LPAR1: variants seen among roughly 807,000 people sequenced by gnomAD.
LPAR1 encodes LPA receptor 1.
A neutral mutation model predicts 23.8 loss-of-function variants in LPAR1; 5 were observed. That is an observed-to-expected ratio of 0.21 (90% confidence interval 0.11 to 0.44). The LOEUF is 0.44. Ranked by LOEUF, LPAR1 falls within the 20% of genes least tolerant of loss-of-function variation. The pLI, the probability that LPAR1 is intolerant of heterozygous loss-of-function variation, is 0.99. For synonymous variants in LPAR1, 160 were observed against 164.7 expected, an observed-to-expected ratio of 0.97 and a Z score of 0.22; for missense variants, 311 against 482.8, an observed-to-expected ratio of 0.64 and a Z score of 3.33.
intron 5 of LPAR1, among the ~76,000 whole-genome samples, chr9:110,904,060 T>C (rs73655666): frequency 6.6e-6 from 1 of 152,032 alleles, no homozygotes; most frequent in African/African-American, 2.4e-5. Flanking sequence ...AAATTCTATA[T>C]CCAGGAAAAC....
chr9:110,950,311 G>A (rs947233535), intron 4 of LPAR1, among the ~76,000 whole-genome samples: 12 of 151,848 alleles, frequency 7.9e-5, no homozygotes, highest in Middle Eastern at 6.8e-3. Flanking sequence ...ATAAAAATAC[G>A]AAATTTAGCT....
At chr9:110,922,974 C>T (rs369524355) in intron 5 of LPAR1, among the ~76,000 whole-genome samples, 55 of 151,728 alleles carry the variant, frequency 3.6e-4, no homozygotes, top group African/African-American at 1.1e-3. Context: ...TTTCTCCTAA[C>T]GCTATCCCTC....
chr9:110,936,689 G>A (rs181875202), intron 5 of LPAR1, among the ~76,000 whole-genome samples: 1 of 152,210 alleles, frequency 6.6e-6, no homozygotes, highest in African/African-American at 2.4e-5. Context: ...TAGAAAAACA[G>A]TGTCTCCCTC....
intron 5 of LPAR1, among the ~76,000 whole-genome samples, chr9:110,897,167 T>C (rs2086691724): frequency 6.6e-6 from 1 of 152,140 alleles, no homozygotes. Context: ...CTAAATCTCA[T>C]CTTGCAGCTC....
chr9:111,033,993 G>T (rs1588966660), intron 2 of LPAR1, among the ~76,000 whole-genome samples: 1 of 152,242 alleles, frequency 6.6e-6, no homozygotes, highest in Non-Finnish European at 1.5e-5. Flanking sequence ...GTACTGGGGA[G>T]CAAGTGTGAA....
chr9:110,980,952 G>A (rs906752515), intron 2 of LPAR1, among the ~76,000 whole-genome samples: 2 of 151,888 alleles, frequency 1.3e-5, no homozygotes, highest in African/African-American at 4.8e-5. Context: ...ATAATATAGA[G>A]GAACAAATCC....
rs761400514 is a variant in LPAR1, at chr9:110,941,472, G to T, written c.742C>A (p.Arg248=). The stretch of plus-strand genomic sequence containing the variant: ...AGACTCATCATGGTATCCCGATTCC[G>T]CCGGGGTCCAGAACTATGCCGAGAC... ...RMSRHSSGPR[R]NRDTMMSLLK... Residue 248 remains arginine, a synonymous_variant, in exon 5 of 6, where the codon CGG becomes AGG. Coordinates refer to ENST00000683809, the MANE Select transcript of LPAR1 (RefSeq NM_001351411.2). The surrounding 1 kb of genome is among the most constrained non-coding windows in gnomAD (Gnocchi z 6.1). 16 of 1,613,904 alleles carry T rather than the reference G, an allele frequency of 9.9e-6. No individual in the cohort carries two copies. In the East Asian group the frequency reaches 3.6e-4, roughly 36 times the overall value.
intron 5 of LPAR1, among the ~76,000 whole-genome samples, chr9:110,897,165 C>T (rs2086688801): frequency 6.6e-6 from 1 of 152,148 alleles, no homozygotes; most frequent in African/African-American, 2.4e-5. Flanking sequence ...ATCTAAATCT[C>T]ATCTTGCAGC....
At chr9:110,985,013 G>T (rs965814804) in intron 2 of LPAR1, among the ~76,000 whole-genome samples, 1 of 152,004 alleles carries the variant, frequency 6.6e-6, no homozygotes, top group South Asian at 2.1e-4. Context: ...ACAGAGACAT[G>T]GCCATGCTAA....
At chr9:111,024,861 C>A (rs62573262) in intron 2 of LPAR1, among the ~76,000 whole-genome samples, 2 of 151,804 alleles carry the variant, frequency 1.3e-5, no homozygotes, top group East Asian at 1.9e-4. Flanking sequence ...TCATCCAAGT[C>A]CCCACAAAGG....
chr9:110,940,742 T>C (rs2095047461), intron 5 of LPAR1, among the ~76,000 whole-genome samples: 1 of 152,226 alleles, frequency 6.6e-6, no homozygotes, highest in Non-Finnish European at 1.5e-5. Context: ...TTCTTCTTGA[T>C]CACTACTATG....
intron 4 of LPAR1, among the ~76,000 whole-genome samples, chr9:110,963,650 A>G (rs1434442595): frequency 2.0e-5 from 3 of 152,186 alleles, no homozygotes; most frequent in Non-Finnish European, 4.4e-5. Flanking sequence ...CTAAAACTTA[A>G]AGTGTAATAA....
intron 4 of LPAR1, among the ~76,000 whole-genome samples, chr9:110,949,179 A>T (rs2095491115): frequency 6.6e-6 from 1 of 151,838 alleles, no homozygotes; most frequent in South Asian, 2.1e-4. Context: ...CAAACACCAA[A>T]CTTCTCTGGA....
intron 5 of LPAR1, among the ~76,000 whole-genome samples, chr9:110,937,527 A>G (rs1199593164): frequency 1.3e-5 from 2 of 152,202 alleles, no homozygotes; most frequent in African/African-American, 2.4e-5. Context: ...TAACAAATCA[A>G]TAACAGTACC....
In LPAR1 at chr9:110,885,210, T is replaced by C. The variant is rs563728960; in HGVS notation, c.794-9488A>G. On this transcript the variant is annotated intron_variant, in intron 5 of 5. Transcript: ENST00000683809. ...ACGTTATTTTGTGTTTCCTATACTA[T>C]CACTGTTTCCATGTAAGATGTTGCT... is the stretch of plus-strand genomic sequence containing the variant. Among the ~76,000 whole-genome samples the C allele has an allele frequency of 1.5e-4, 23 of 152,350 alleles. No individual in the cohort carries two copies. In the South Asian group the frequency reaches 4.3e-3, roughly 29 times the overall value.
intron 4 of LPAR1, among the ~76,000 whole-genome samples, chr9:110,956,303 G>A (rs2095747061): frequency 6.6e-6 from 1 of 151,814 alleles, no homozygotes; most frequent in South Asian, 2.1e-4. Context: ...CGGGTTGATG[G>A]GTGCAGCAAA....
chr9:110,906,332 T>C (rs181660815), intron 5 of LPAR1, among the ~76,000 whole-genome samples: 115 of 152,348 alleles, frequency 7.5e-4, no homozygotes, highest in South Asian at 3.7e-3. Flanking sequence ...AAAATCCTAC[T>C]TCTTAATTTG....
chr9:110,924,670 G>GA (rs1188126016), intron 5 of LPAR1, among the ~76,000 whole-genome samples: 1,512 of 138,768 alleles, frequency 0.011, 21 homozygotes, highest in African/African-American at 0.033. Context: ...CTATCTCTTA[G>GA]AAAAAAAAAA....
At chr9:110,922,875 A>G (rs1020142326) in intron 5 of LPAR1, among the ~76,000 whole-genome samples, 12 of 147,908 alleles carry the variant, frequency 8.1e-5, no homozygotes, top group African/African-American at 3.0e-4. Context: ...GTTCTGGGGT[A>G]CATATGCAGA....
Sources: gnomAD v4.1 joint callset for allele counts (sites outside exome capture counted in the v4.1 genomes callset) on GRCh38, gnomAD v4.1.1 for gene constraint, Gnocchi (gnomAD v3.1) non-coding constraint, MANE v1.5 for transcripts, NCBI Gene and HGNC (gene_info 2026-07-23, HGNC 2026-07-21) for gene names.